NFX1: variants seen among roughly 807,000 people sequenced by gnomAD.
The protein encoded by NFX1 is nuclear transcription factor, X-box binding 1.
A neutral mutation model predicts 137.2 loss-of-function variants in NFX1; 69 were observed. That is an observed-to-expected ratio of 0.50 (90% CI 0.41 to 0.61). The LOEUF (loss-of-function observed/expected upper bound fraction) is 0.61. NFX1 is among the 20% of genes least tolerant of loss of function. The probability of loss-of-function intolerance (pLI) is 0.00; values close to 1 mark genes in which losing one functional copy is unlikely to be tolerated. For synonymous variants in NFX1, 495 were observed against 474.1 expected (o/e 1.04, Z -0.57); for missense variants, 1,167 against 1,391.0 (o/e 0.84, Z 2.56).
intron 20 of NFX1, 66 bp from the exon 21 acceptor site, chr9:33,364,642 G>A: frequency 1.3e-6 from 2 of 1,554,774 alleles, no homozygotes; most frequent in Non-Finnish European, 1.7e-6. Flanking sequence ...ACAGGGAGAG[G>A]ATGGGTGAAA....
At chr9:33,353,683 C>CTTTTTTTT (rs111306917) in intron 17 of NFX1, among the ~76,000 whole-genome samples, 2 of 110,096 alleles carry the variant, frequency 1.8e-5, no homozygotes, top group Non-Finnish European at 3.8e-5. Context: ...GATAGATTTG[C>CTTTTTTTT]TTTTTTTTTT....
chr9:33,327,498 G>A (rs1411052266), intron 9 of NFX1, among the ~76,000 whole-genome samples: 1 of 152,190 alleles, frequency 6.6e-6, no homozygotes, highest in African/African-American at 2.4e-5. Flanking sequence ...CTGAGTCGCT[G>A]GGATTACAGG....
At chr9:33,359,076 G>A (rs1371798830) in intron 19 of NFX1, among the ~76,000 whole-genome samples, 4 of 151,764 alleles carry the variant, frequency 2.6e-5, no homozygotes, top group Non-Finnish European at 4.4e-5. Flanking sequence ...TAGCAACCTC[G>A]CTAAATTCAC....
At chr9:33,357,332 C>G (rs1823845553) in intron 19 of NFX1, among the ~76,000 whole-genome samples, 1 of 151,534 alleles carries the variant, frequency 6.6e-6, no homozygotes. Flanking sequence ...TAAAGTATAT[C>G]AAATATATAT....
At chr9:33,369,784 TA>T in intron 23 of NFX1, 121 bp from the exon 24 acceptor site, 2 of 778,160 alleles carry the variant, frequency 2.6e-6, no homozygotes, top group Non-Finnish European at 4.2e-6. Flanking sequence ...AAGACTAAAA[TA>T]AAAATAAAAT....
chr9:33,367,738 C>T (rs1824211984), intron 23 of NFX1, 119 bp downstream of exon 23: 7 of 842,848 alleles, frequency 8.3e-6, no homozygotes, highest in Non-Finnish European at 1.1e-5. Context: ...CTTGGGGTAC[C>T]ATGTTCAAAT....
At chr9:33,336,876 CGG>C (rs1823024885) in intron 11 of NFX1, among the ~76,000 whole-genome samples, 1 of 152,054 alleles carries the variant, frequency 6.6e-6, no homozygotes, top group Non-Finnish European at 1.5e-5. Flanking sequence ...CCAAGGCAGG[CGG>C]ATCACTTGAG....
intron 5 of NFX1, among the ~76,000 whole-genome samples, chr9:33,310,062 G>A (rs545320118): frequency 3.3e-5 from 5 of 152,306 alleles, no homozygotes; most frequent in African/African-American, 9.6e-5. Flanking sequence ...TATGGGTATT[G>A]TCTATCAAAA....
At chr9:33,328,491 G>A in intron 9 of NFX1, 90 bp from the exon 10 acceptor site, 1 of 854,430 alleles carries the variant, frequency 1.2e-6, no homozygotes, top group Non-Finnish European at 2.0e-6. Context: ...GCAGGGCATG[G>A]AGGGGAAGAC....
At chr9:33,302,297 T>G (rs1227667342) in intron 3 of NFX1, among the ~76,000 whole-genome samples, 1 of 151,700 alleles carries the variant, frequency 6.6e-6, no homozygotes, top group Non-Finnish European at 1.5e-5. Flanking sequence ...AAATATATAA[T>G]AAATTGTTGT....
At chr9:33,342,942 G>T in intron 13 of NFX1, 88 bp downstream of exon 13, 2 of 865,690 alleles carry the variant, frequency 2.3e-6, no homozygotes, top group Non-Finnish European at 1.8e-6. Context: ...ACTTAGAATT[G>T]TATGGATTCT....
intron 16 of NFX1, among the ~76,000 whole-genome samples, chr9:33,352,080 A>G (rs1380476271): frequency 1.3e-5 from 2 of 152,252 alleles, no homozygotes; most frequent in Admixed American, 6.5e-5. Flanking sequence ...TAATAAATGT[A>G]TAAATGTCTT....
intron 12 of NFX1, among the ~76,000 whole-genome samples, chr9:33,339,879 C>G (rs938862440): frequency 6.6e-6 from 1 of 152,252 alleles, no homozygotes; most frequent in African/African-American, 2.4e-5. Context: ...TGTCTCACAT[C>G]TAGGTAACAC....
intron 3 of NFX1, among the ~76,000 whole-genome samples, chr9:33,302,830 C>T (rs990823167): frequency 1.3e-5 from 2 of 151,906 alleles, no homozygotes; most frequent in African/African-American, 2.4e-5. Context: ...CCACCACGCC[C>T]AGCTAATTTT....
At chr9:33,316,801 C>T (rs1478416249) in intron 7 of NFX1, among the ~76,000 whole-genome samples, 1 of 152,100 alleles carries the variant, frequency 6.6e-6, no homozygotes, top group Non-Finnish European at 1.5e-5. Context: ...CTGTCACCTG[C>T]TCATATTTCT....
At chr9:33,291,792 A>C (rs901631129) in intron 1 of NFX1, among the ~76,000 whole-genome samples, 2 of 152,014 alleles carry the variant, frequency 1.3e-5, no homozygotes, top group Non-Finnish European at 2.9e-5. Context: ...AGTCCCAGCT[A>C]CTCCGGAGGC....
intron 4 of NFX1, among the ~76,000 whole-genome samples, chr9:33,305,013 G>A (rs1295798675): frequency 6.6e-6 from 1 of 152,206 alleles, no homozygotes; most frequent in Non-Finnish European, 1.5e-5. Context: ...ATGTGAGAAT[G>A]CACATAAAGG....
At chr9:33,356,524 A>AATAAGCACT (rs1823815282) in intron 19 of NFX1, among the ~76,000 whole-genome samples, 1 of 152,060 alleles carries the variant, frequency 6.6e-6, no homozygotes, top group African/African-American at 2.4e-5. Flanking sequence ...TATCCAGTTT[A>AATAAGCACT]TTTGAGTTTC....
intron 17 of NFX1, among the ~76,000 whole-genome samples, chr9:33,353,372 GT>G (rs2118646728): frequency 1.3e-5 from 2 of 152,304 alleles, no homozygotes; most frequent in South Asian, 4.1e-4. Flanking sequence ...TGGGACCTGT[GT>G]AGCCGTACAG....
Sources: allele counts gnomAD v4.1 joint callset (sites outside exome capture counted in the v4.1 genomes callset), GRCh38; gene constraint gnomAD v4.1.1; transcripts MANE v1.5; gene names NCBI Gene and HGNC (gene_info 2026-07-23, HGNC 2026-07-21).